The following PLCL1 variants were observed in gnomAD, a reference collection of about 807,000 sequenced individuals.
The protein encoded by PLCL1 is inactive phospholipase C-like protein 1.
In PLCL1, 41 loss-of-function variants were observed where a neutral mutation model predicts 84.4. That is an observed-to-expected ratio of 0.49 (90% confidence interval 0.38 to 0.63). The LOEUF (loss-of-function observed/expected upper bound fraction) is 0.63, where lower values mean the gene tolerates loss of function less well. PLCL1 is among the 30% of genes least tolerant of loss of function. PLCL1 has a pLI of 0.00. For missense variants in PLCL1, 1,206 were observed against 1,367.8 expected (o/e 0.88, Z 1.87); for synonymous variants, 490 against 488.3 (o/e 1.00, Z -0.05).
chr2:198,048,825 G>A (rs949640219), intron 1 of PLCL1, among the ~76,000 whole-genome samples: 1 of 152,142 alleles, frequency 6.6e-6, no homozygotes, highest in African/African-American at 2.4e-5. Context: ...ACCTCCTAGC[G>A]GCCCCACCTC....
At chr2:197,952,055 AC>A (rs1169612976) in intron 1 of PLCL1, among the ~76,000 whole-genome samples, 1 of 152,108 alleles carries the variant, frequency 6.6e-6, no homozygotes, top group African/African-American at 2.4e-5. Context: ...GTGACCCCTA[AC>A]TGAGCAAACA....
intron 1 of PLCL1, among the ~76,000 whole-genome samples, chr2:197,952,635 T>A (rs777678661): frequency 6.6e-6 from 1 of 152,168 alleles, no homozygotes; most frequent in Non-Finnish European, 1.5e-5. Flanking sequence ...TGTGGATGAA[T>A]CATGCCTAAT....
rs11295926 is a variant in PLCL1, at chr2:197,903,649, ATTTTTTTTTT to A, written c.240+98328_240+98337del. On this transcript the variant is annotated intron_variant, in intron 1 of 5. Coordinates refer to ENST00000428675, the MANE Select transcript of PLCL1 (RefSeq NM_006226.4). The stretch of plus-strand genomic sequence containing the variant: ...CAGGTGCCCGCCACCACGCCCAGCT[ATTTTTTTTTT>A]TTTTTTTTTTTTTTTTTGTATTTTT... Among the ~76,000 whole-genome samples the A allele has an allele frequency of 9.8e-3, 713 of 72,444 alleles. 4 individuals carry two copies. The highest frequency in any genetic ancestry group is 0.029 in the African/African-American group (521 of 18,094). 47.5% of individuals were successfully genotyped at this position (72,444 alleles called of 152,430 possible). A position where few individuals can be genotyped will look rare whatever the true frequency, so the allele number is the denominator to read the frequency against.
intron 5 of PLCL1, among the ~76,000 whole-genome samples, chr2:198,116,638 G>T (rs1234212531): frequency 1.3e-5 from 2 of 151,690 alleles, no homozygotes; most frequent in African/African-American, 2.4e-5. Flanking sequence ...TTTGAAAAAA[G>T]GTAACTTCCA....
rs1287245993 is a variant in PLCL1 at position 198,149,340 on chromosome 2, C to T, written c.*2378C>T. ...GAATGTAGTGTTTTAGATATTAATT[C>T]TATTTTTATTTATTCATTTTTACAT... On this transcript the variant is annotated 3_prime_UTR_variant, in exon 6 of 6. Coordinates refer to ENST00000428675, the MANE Select transcript of PLCL1 (RefSeq NM_006226.4). 1.3e-5 allele frequency: 2 copies of T among 152,088 alleles called. No individual in the cohort carries two copies. The highest frequency in any genetic ancestry group is 1.9e-4 in the East Asian group (1 of 5,236). 9.4% of individuals were successfully genotyped at this position (152,088 alleles called of 1,614,324 possible).
chr2:198,072,006 A>C (rs781028258), intron 1 of PLCL1, among the ~76,000 whole-genome samples: 2 of 151,890 alleles, frequency 1.3e-5, no homozygotes, highest in African/African-American at 2.4e-5. Context: ...GCCTCTTACA[A>C]CTGCATCCAT....
At chr2:197,961,201 C>T (rs576273514) in intron 1 of PLCL1, among the ~76,000 whole-genome samples, 1 of 147,396 alleles carries the variant, frequency 6.8e-6, no homozygotes, top group South Asian at 2.1e-4. Context: ...TACTTGGATT[C>T]CTGTGGATAA....
intron 1 of PLCL1, among the ~76,000 whole-genome samples, chr2:198,039,684 G>C (rs553052876): frequency 6.6e-6 from 1 of 152,108 alleles, no homozygotes; most frequent in East Asian, 1.9e-4. Flanking sequence ...TCACAATATA[G>C]CACTTTCAGA....
intron 3 of PLCL1, among the ~76,000 whole-genome samples, chr2:198,091,462 C>T (rs1445179173): frequency 6.6e-6 from 1 of 151,824 alleles, no homozygotes; most frequent in Admixed American, 6.6e-5. Context: ...GGTGGATCAC[C>T]TGAAGTCAGG....
At chr2:198,012,421 C>T (rs1182165711) in intron 1 of PLCL1, among the ~76,000 whole-genome samples, 1 of 151,966 alleles carries the variant, frequency 6.6e-6, no homozygotes, top group African/African-American at 2.4e-5. Context: ...TCAGTCAAGG[C>T]CATCTTGGAA....
intron 1 of PLCL1, among the ~76,000 whole-genome samples, chr2:197,996,405 A>G (rs1168421307): frequency 6.6e-6 from 1 of 152,214 alleles, no homozygotes; most frequent in Non-Finnish European, 1.5e-5. Flanking sequence ...TCATAGAACT[A>G]CATAACACAA....
rs1183273408 is a variant in PLCL1 at position 197,804,750 on chromosome 2, G to T, written c.-350G>T. On this transcript the variant is annotated 5_prime_UTR_variant, in exon 1 of 6. Transcript: ENST00000428675. ...CCAGAGGCCGCCTGGCTGGGCGCCCGGTGCCTTTTGTCTGGCGCAGGGCCG... is the reference window on the plus strand; with the variant it reads ...CCAGAGGCCGCCTGGCTGGGCGCCCTGTGCCTTTTGTCTGGCGCAGGGCCG... The T allele has an allele frequency of 2.2e-5, 4 of 180,966 alleles. No homozygotes were observed. The highest frequency in any genetic ancestry group is 4.6e-5 in the Non-Finnish European group (4 of 87,370). 11.2% of individuals were successfully genotyped at this position (180,966 alleles called of 1,614,324 possible). A position where few individuals can be genotyped will look rare whatever the true frequency, so the allele number is the denominator to read the frequency against.
chr2:197,938,652 C>T (rs1195690792), intron 1 of PLCL1, among the ~76,000 whole-genome samples: 1 of 152,146 alleles, frequency 6.6e-6, no homozygotes, highest in Non-Finnish European at 1.5e-5. Flanking sequence ...GAACACATAC[C>T]TAGTCCTTTC....
intron 1 of PLCL1, among the ~76,000 whole-genome samples, chr2:197,908,345 T>G (rs1253967732): frequency 6.6e-6 from 1 of 152,206 alleles, no homozygotes; most frequent in South Asian, 2.1e-4. Flanking sequence ...GCTTACATAT[T>G]TCTAGCAAAA....
chr2:198,032,749 G>A (rs1691457504), intron 1 of PLCL1, among the ~76,000 whole-genome samples: 1 of 152,004 alleles, frequency 6.6e-6, no homozygotes, highest in African/African-American at 2.4e-5. Flanking sequence ...TTACCTTAAG[G>A]TTATAAGATC....
intron 1 of PLCL1, among the ~76,000 whole-genome samples, chr2:197,852,081 C>T (rs1184069116): frequency 6.6e-6 from 1 of 152,150 alleles, no homozygotes; most frequent in East Asian, 1.9e-4. Flanking sequence ...ATGAATTCAG[C>T]GACAGCTTTG....
chr2:197,954,511 G>A (rs556589868), intron 1 of PLCL1, among the ~76,000 whole-genome samples: 2 of 152,122 alleles, frequency 1.3e-5, no homozygotes, highest in African/African-American at 4.8e-5. Context: ...AGCATCTGTG[G>A]TTTCTTTCAT....
chr2:198,026,754 A>G (rs1483358597), intron 1 of PLCL1, among the ~76,000 whole-genome samples: 4 of 152,200 alleles, frequency 2.6e-5, no homozygotes, highest in Admixed American at 2.6e-4. Context: ...TAAACAGGGT[A>G]TATGAAAAAA....
chr2:197,859,831 A>C (rs762311728), intron 1 of PLCL1, among the ~76,000 whole-genome samples: 5 of 152,210 alleles, frequency 3.3e-5, no homozygotes, highest in Non-Finnish European at 7.3e-5. Context: ...AAGCACAATT[A>C]CAAAATTGCC....
Sources: allele counts gnomAD v4.1 joint callset (sites outside exome capture counted in the v4.1 genomes callset), GRCh38; gene constraint gnomAD v4.1.1; transcripts MANE v1.5; gene names NCBI Gene and HGNC (gene_info 2026-07-23, HGNC 2026-07-21).